Variants in MAP3K9 observed in about 807,000 individuals in gnomAD.
MAP3K9 encodes the protein mitogen-activated protein kinase kinase kinase 9, also known as mixed lineage kinase 1 (tyr and ser/thr specificity).
MAP3K9 carries 46 observed loss-of-function variants against 95.8 expected under a neutral mutation model. The ratio of observed to expected loss-of-function variants is 0.48; its 90% CI spans 0.38 to 0.61. The LOEUF (loss-of-function observed/expected upper bound fraction) is 0.61. Ranked by LOEUF, MAP3K9 falls within the 20% of genes least tolerant of loss-of-function variation. The probability of loss-of-function intolerance (pLI) is 0.00; values close to 1 mark genes in which losing one functional copy is unlikely to be tolerated. For missense variants in MAP3K9, 1,296 were observed against 1,474.3 expected, an observed-to-expected ratio of 0.88 and a Z score of 1.98; for synonymous variants, 533 against 593.8, an observed-to-expected ratio of 0.90 and a Z score of 1.49.
intron 2 of MAP3K9, among the ~76,000 whole-genome samples, chr14:70,769,207 A>G (rs1481469978): frequency 6.6e-6 from 1 of 152,188 alleles, no homozygotes; most frequent in East Asian, 1.9e-4. Flanking sequence ...TGGGCAACAC[A>G]GTGAAACTCC....
rs1436171588 is a variant in MAP3K9 at position 70,750,087 on chromosome 14, G to A, written c.1002-6C>T. 1.2e-6 allele frequency: 2 copies of A among 1,614,112 alleles called. No individual in the cohort carries two copies. The highest frequency in any genetic ancestry group is 4.5e-5 in the East Asian group (2 of 44,888). Reference sequence around the variant, plus strand: ...CCCAAAGTAGCACCCCATAGCTAAGGAGAGGAAGAAGACAGAAGCCATGTA... The same window carrying A: ...CCCAAAGTAGCACCCCATAGCTAAGAAGAGGAAGAAGACAGAAGCCATGTA... On this transcript the variant is annotated splice_polypyrimidine_tract_variant and splice_region_variant and intron_variant, in intron 3 of 11. Coordinates refer to ENST00000554752, the MANE Select transcript of MAP3K9 (RefSeq NM_001284230.2).
intron 2 of MAP3K9, among the ~76,000 whole-genome samples, chr14:70,774,329 T>C (rs1170848486): frequency 6.6e-6 from 1 of 152,216 alleles, no homozygotes; most frequent in African/African-American, 2.4e-5. Flanking sequence ...TTGTAATATA[T>C]TTCGGCTTTT....
Position 70,749,915 on chromosome 14 carries a change from A to G in MAP3K9, c.1150+18T>C. 5 of 1,613,978 alleles carry G rather than the reference A, an allele frequency of 3.1e-6. No individual in the cohort carries two copies. Among genetic ancestry groups the G allele is most frequent in the Non-Finnish European group, 4.2e-6 (5 of 1,179,912 alleles). ...AGGCAAAGTGTCTCCAGTTTGGTTC[A>G]GGCCAGGGCTTACTTACCTTCCATG... is the stretch of plus-strand genomic sequence containing the variant. On this transcript the variant is annotated intron_variant, in intron 4 of 11. Coordinates refer to ENST00000554752, the MANE Select transcript of MAP3K9 (RefSeq NM_001284230.2).
Position 70,730,042 on chromosome 14 carries a change from A to C in MAP3K9, c.*338T>G. On this transcript the variant is annotated 3_prime_UTR_variant, in exon 12 of 12. Transcript: ENST00000554752. ...TCTGCGCACACCCAACTGGCTGAGG[A>C]GAGGGAGCAGCAGACAGATTTGGCT... 1 of 273,496 alleles carries C rather than the reference A, an allele frequency of 3.7e-6. No individual in the cohort carries two copies. Among genetic ancestry groups the C allele is most frequent in the African/African-American group, 2.2e-5 (1 of 46,052 alleles). The allele number at this position is 273,496 out of a possible 1,614,324, so 16.9% of individuals were successfully genotyped here. A position where few individuals can be genotyped will look rare whatever the true frequency, so the allele number is the denominator to read the frequency against.
chr14:70,755,940 T>C (rs894064146), intron 3 of MAP3K9, among the ~76,000 whole-genome samples: 1 of 152,240 alleles, frequency 6.6e-6, no homozygotes, highest in Non-Finnish European at 1.5e-5. Flanking sequence ...TGCTTCTGAT[T>C]TGAGGTTTAC....
chr14:70,739,640 G>GA (rs373779954), intron 7 of MAP3K9, among the ~76,000 whole-genome samples: 11 of 148,438 alleles, frequency 7.4e-5, no homozygotes, highest in African/African-American at 9.9e-5. Context: ...CCTATACTTT[G>GA]AAAAAAAAAC....
At chr14:70,766,608 T>C (rs1418467912) in intron 2 of MAP3K9, among the ~76,000 whole-genome samples, 1 of 152,218 alleles carries the variant, frequency 6.6e-6, no homozygotes. Flanking sequence ...CTTTTGTTAA[T>C]CCTTAAATCA....
intron 6 of MAP3K9, 31 bp downstream of exon 6, chr14:70,742,320 C>G: frequency 6.2e-7 from 1 of 1,605,780 alleles, no homozygotes; most frequent in Non-Finnish European, 8.5e-7. Flanking sequence ...TTGCCCTGCT[C>G]CCACTTCCCA....
chr14:70,791,011 T>C (rs886939938), intron 2 of MAP3K9, among the ~76,000 whole-genome samples: 2 of 152,164 alleles, frequency 1.3e-5, no homozygotes, highest in African/African-American at 4.8e-5. Flanking sequence ...ACCTGAACAA[T>C]GACGGTGCCA....
chr14:70,763,579 G>A (rs1231218010), intron 2 of MAP3K9, among the ~76,000 whole-genome samples: 1 of 151,514 alleles, frequency 6.6e-6, no homozygotes, highest in East Asian at 1.9e-4. Flanking sequence ...CATTCAGGCT[G>A]GTGTGCAGTG....
intron 11 of MAP3K9, 125 bp downstream of exon 11, chr14:70,732,414 T>A: frequency 7.3e-7 from 1 of 1,365,714 alleles, no homozygotes; most frequent in Non-Finnish European, 9.5e-7. Flanking sequence ...TATTTCTTGA[T>A]TGGCTAAGAG....
chr14:70,742,733 A>C, intron 5 of MAP3K9, 142 bp from the exon 6 acceptor site: 2 of 934,726 alleles, frequency 2.1e-6, no homozygotes, highest in Non-Finnish European at 3.1e-6. Flanking sequence ...AGAGGACTCG[A>C]TAGCTGGTAA....
intron 2 of MAP3K9, among the ~76,000 whole-genome samples, chr14:70,761,964 T>C: frequency 6.6e-6 from 1 of 152,230 alleles, no homozygotes; most frequent in East Asian, 1.9e-4. Context: ...CCTTTGTCTT[T>C]ATAAATTTAC....
chr14:70,752,688 T>C (rs2054246053), intron 3 of MAP3K9, among the ~76,000 whole-genome samples: 1 of 152,080 alleles, frequency 6.6e-6, no homozygotes, highest in Non-Finnish European at 1.5e-5. Context: ...AACCCCTTTC[T>C]CCCAACCAGA....
chr14:70,767,367 G>C (rs1006594168), intron 2 of MAP3K9, among the ~76,000 whole-genome samples: 17 of 114,096 alleles, frequency 1.5e-4, no homozygotes, highest in African/African-American at 2.5e-4. Context: ...CTGGGCAACA[G>C]AGTGACACTC....
chr14:70,755,439 G>A (rs568602662), intron 3 of MAP3K9, among the ~76,000 whole-genome samples: 21 of 152,342 alleles, frequency 1.4e-4, no homozygotes, highest in African/African-American at 4.6e-4. Context: ...CCACCTGGGT[G>A]AACTTAGGCA....
At chr14:70,804,960 A>G (rs1402289625) in intron 1 of MAP3K9, among the ~76,000 whole-genome samples, 1 of 152,152 alleles carries the variant, frequency 6.6e-6, no homozygotes, top group Non-Finnish European at 1.5e-5. Flanking sequence ...GTCCCTGTGG[A>G]TAGGAACGAA....
intron 3 of MAP3K9, among the ~76,000 whole-genome samples, chr14:70,751,773 T>C (rs183678784): frequency 2.8e-4 from 43 of 152,256 alleles, no homozygotes; most frequent in African/African-American, 8.7e-4. Flanking sequence ...AAACCTTATA[T>C]ATGAAGACCA....
chr14:70,770,932 T>G (rs1358535569), intron 2 of MAP3K9, among the ~76,000 whole-genome samples: 3 of 152,158 alleles, frequency 2.0e-5, no homozygotes, highest in Non-Finnish European at 4.4e-5. Context: ...TTGTTTTATT[T>G]ATTTTTTTCT....
Sources: gnomAD v4.1 joint callset for allele counts (sites outside exome capture counted in the v4.1 genomes callset) on GRCh38, gnomAD v4.1.1 for gene constraint, MANE v1.5 for transcripts, NCBI Gene and HGNC (gene_info 2026-07-23, HGNC 2026-07-21) for gene names.